DOCK8: variants seen among roughly 807,000 people sequenced by gnomAD.
DOCK8 encodes the protein dedicator of cytokinesis 8.
In DOCK8, 141 loss-of-function variants were observed where a neutral mutation model predicts 245.6. That is an observed-to-expected ratio of 0.57 (90% CI 0.50 to 0.66). DOCK8 has a LOEUF of 0.66. Ranked by LOEUF, DOCK8 falls within the 30% of genes least tolerant of loss-of-function variation. DOCK8 has a pLI of 0.00. For missense variants in DOCK8, 2,965 were observed against 2,603.4 expected (o/e 1.14, Z -3.02); for synonymous variants, 1,168 against 970.2 (o/e 1.20, Z -3.79).
intron 22 of DOCK8, among the ~76,000 whole-genome samples, chr9:384,227 T>A (rs2053850030): frequency 6.6e-6 from 1 of 152,300 alleles, no homozygotes; most frequent in South Asian, 2.1e-4. Flanking sequence ...ACCATAAAAT[T>A]CACCCTTTTT....
In DOCK8 at chr9:407,023, C is replaced by T. The variant is rs757455782; in HGVS notation, c.3484C>T (p.Leu1162Phe). Residue 1162 changes from leucine (L) to phenylalanine (F), a missense_variant, in exon 28 of 48, where the codon CTC becomes TTC. Physicochemically the swap from Leu to Phe is conservative, Grantham distance 22. This residue lies in a region of DOCK8 where 2,825 missense variants were observed against 2,453.5 expected (regional missense o/e 1.15). Transcript: ENST00000432829. ...CCGCCAGCAGCACTTCCTCACCGGG[C>T]TCCTCTTCACAGAACTGGCTGCTGC... ...EYRQQHFLTG[L>F]LFTELAAALD... is the part of the protein sequence containing the mutation. 49 of 1,614,038 alleles carry T rather than the reference C, an allele frequency of 3.0e-5. No homozygotes were observed. Among genetic ancestry groups the T allele is most frequent in the Middle Eastern group, 1.6e-4 (1 of 6,084 alleles).
At chr9:392,883 C>G (rs374909682) in intron 24 of DOCK8, among the ~76,000 whole-genome samples, 6 of 151,848 alleles carry the variant, frequency 4.0e-5, no homozygotes, top group African/African-American at 1.2e-4. Context: ...CACCCACCAT[C>G]ATGTCTCTCC....
intron 1 of DOCK8, among the ~76,000 whole-genome samples, chr9:262,949 G>A (rs945366511): frequency 6.6e-6 from 1 of 152,244 alleles, no homozygotes; most frequent in Non-Finnish European, 1.5e-5. Context: ...GCTCCCGCCT[G>A]TAATCCCAGC....
At chr9:405,250 C>CT (rs1454835737) in intron 27 of DOCK8, among the ~76,000 whole-genome samples, 177 bp downstream of exon 27, 1 of 152,140 alleles carries the variant, frequency 6.6e-6, no homozygotes, top group African/African-American at 2.4e-5. Context: ...AATTAACAAT[C>CT]TAAGTAATTG....
intron 1 of DOCK8, among the ~76,000 whole-genome samples, chr9:263,648 A>T (rs546146905): frequency 6.6e-6 from 1 of 152,270 alleles, no homozygotes; most frequent in Middle Eastern, 3.4e-3. Flanking sequence ...TGCTGGTGAT[A>T]AATTCTCTCC....
In DOCK8 at chr9:274,283, C is replaced by G. The variant is rs114789888; in HGVS notation, c.156+2554C>G. Among the ~76,000 whole-genome samples, 478 of 152,186 alleles carry G rather than the reference C, an allele frequency of 3.1e-3. 2 individuals are homozygous for G. The highest frequency in any genetic ancestry group is 0.011 in the African/African-American group (465 of 41,514). ...ATTATGCAAGAATCACATGTTCCTA[C>G]CTGTCATCATTTAGTCTTGGTTCTA... On this transcript the variant is annotated intron_variant, in intron 2 of 47. Coordinates refer to ENST00000432829, the MANE Select transcript of DOCK8 (RefSeq NM_203447.4).
intron 46 of DOCK8, chr9:454,393 G>C (rs776332693): frequency 2.0e-5 from 3 of 152,164 alleles, no homozygotes; most frequent in African/African-American, 7.2e-5. Flanking sequence ...TTTATCATAG[G>C]TATGTATGTA....
At chr9:279,544 G>A (rs2048492277) in intron 2 of DOCK8, among the ~76,000 whole-genome samples, 2 of 152,134 alleles carry the variant, frequency 1.3e-5, no homozygotes, top group South Asian at 2.1e-4. Context: ...TGGTACTGAG[G>A]ATTTTCTCAG....
At position 312,017 on chromosome 9, in the gene DOCK8, G is replaced by A. The variant is rs2130697721; in HGVS notation, c.592G>A (p.Asp198Asn). The change falls in exon 6 of 48, where the codon GAC becomes AAC. Residue 198 changes from aspartate (D) to asparagine (N), a missense_variant. Physicochemically the swap from Asp to Asn is conservative, Grantham distance 23 (BLOSUM62 1). Coordinates refer to ENST00000432829, the MANE Select transcript of DOCK8 (RefSeq NM_203447.4). ...VSGKGPVTAC[D>N]FDLRSLQPDK... The stretch of plus-strand genomic sequence containing the variant: ...TGGGAAAGGCCCCGTCACTGCCTGT[G>A]ACTTTGACCTCCGCAGCCTGCAGCC... 1 of 1,614,208 alleles carries A rather than the reference G, an allele frequency of 6.2e-7. No homozygotes were observed. Among genetic ancestry groups the A allele is most frequent in the Non-Finnish European group, 8.5e-7 (1 of 1,180,046 alleles).
chr9:449,603 G>C (rs1409578003), intron 44 of DOCK8, among the ~76,000 whole-genome samples, 181 bp from the exon 45 acceptor site: 1 of 152,154 alleles, frequency 6.6e-6, no homozygotes, highest in Non-Finnish European at 1.5e-5. Context: ...TGGAACATAA[G>C]GAATCAAGAA....
At chr9:452,699 T>TA (rs1376088569) in intron 46 of DOCK8, 1 of 152,358 alleles carries the variant, frequency 6.6e-6, no homozygotes, top group Non-Finnish European at 1.5e-5. Context: ...CTTAAAAACA[T>TA]ACACTGCCTC....
chr9:420,832 C>A, intron 31 of DOCK8, 117 bp from the exon 32 acceptor site: 1 of 1,428,388 alleles, frequency 7.0e-7, no homozygotes, highest in South Asian at 1.2e-5. Context: ...AGCAGCATCT[C>A]AGTGAAGCAC....
intron 42 of DOCK8, among the ~76,000 whole-genome samples, chr9:442,443 G>A (rs2131816929): frequency 6.6e-6 from 1 of 152,318 alleles, no homozygotes; most frequent in Admixed American, 6.5e-5. Flanking sequence ...TAATGGTGAG[G>A]CCATCCTTTA....
chr9:377,286 T>A (rs2131264721), intron 20 of DOCK8, 75 bp downstream of exon 20: 2 of 1,357,898 alleles, frequency 1.5e-6, no homozygotes, highest in African/African-American at 1.4e-5. Context: ...AAAATGACTT[T>A]CCAGAAATCC....
chr9:440,727 T>C (rs1248407490), intron 40 of DOCK8, among the ~76,000 whole-genome samples: 1 of 152,122 alleles, frequency 6.6e-6, no homozygotes, highest in Non-Finnish European at 1.5e-5. Flanking sequence ...TTTTTTCTTT[T>C]CGTTTTGTTT....
intron 12 of DOCK8, among the ~76,000 whole-genome samples, 179 bp from the exon 13 acceptor site, chr9:338,827 G>T (rs1416414468): frequency 6.6e-6 from 1 of 152,190 alleles, no homozygotes; most frequent in Non-Finnish European, 1.5e-5. Context: ...GAGTCACAGT[G>T]ATTGAGAAGG....
intron 1 of DOCK8, among the ~76,000 whole-genome samples, chr9:263,017 G>A (rs1587685480): frequency 6.6e-6 from 1 of 152,116 alleles, no homozygotes; most frequent in African/African-American, 2.4e-5. Flanking sequence ...GACCAGCCTA[G>A]CCAACGTGGT....
At chr9:385,962 T>C (rs1340900582) in intron 22 of DOCK8, among the ~76,000 whole-genome samples, 1 of 152,196 alleles carries the variant, frequency 6.6e-6, no homozygotes, top group African/African-American at 2.4e-5. Context: ...TATTGGTGTT[T>C]AGGAGACAGC....
intron 1 of DOCK8, among the ~76,000 whole-genome samples, chr9:234,800 AT>A (rs200360983): frequency 2.7e-5 from 4 of 148,968 alleles, no homozygotes; most frequent in Non-Finnish European, 6.0e-5. Flanking sequence ...CCATTCGTCT[AT>A]TTTTTTTTCA....
Sources: allele counts gnomAD v4.1 joint callset (sites outside exome capture counted in the v4.1 genomes callset), GRCh38; gene constraint gnomAD v4.1.1; regional missense constraint gnomAD v4.1.1; transcripts MANE v1.5; gene names NCBI Gene and HGNC (gene_info 2026-07-23, HGNC 2026-07-21).